Variants in PDGFC observed in about 807,000 individuals in gnomAD.
PDGFC encodes platelet derived growth factor C.
Under a neutral mutation model 35.5 loss-of-function variants are expected in PDGFC, and 12 were observed. That is an observed-to-expected ratio of 0.34 (90% CI 0.22 to 0.55). The LOEUF (loss-of-function observed/expected upper bound fraction) is 0.55, where lower values mean the gene tolerates loss of function less well. Ranked by LOEUF, PDGFC falls within the 20% of genes least tolerant of loss-of-function variation. PDGFC has a pLI of 0.91. For synonymous variants in PDGFC, 159 were observed against 148.8 expected (o/e 1.07, Z -0.50); for missense variants, 322 against 412.4 (o/e 0.78, Z 1.90).
intron 1 of PDGFC, among the ~76,000 whole-genome samples, chr4:156,920,686 CACACAT>C (rs1009632554): frequency 7.6e-5 from 11 of 145,510 alleles, no homozygotes; most frequent in South Asian, 4.2e-4. Flanking sequence ...CACACACACA[CACACAT>C]ATACACACAC....
intron 1 of PDGFC, among the ~76,000 whole-genome samples, chr4:156,934,184 T>C (rs967057157): frequency 2.0e-5 from 3 of 152,202 alleles, no homozygotes; most frequent in Non-Finnish European, 4.4e-5. Context: ...GCTAACATCA[T>C]AGAGCATGCT....
rs576021832 is a variant in PDGFC, at chr4:156,898,791, A to G, written c.119-48375T>C. On this transcript the variant is annotated intron_variant, in intron 1 of 5. Coordinates refer to ENST00000502773, the MANE Select transcript of PDGFC (RefSeq NM_016205.3). Reference sequence around the variant, plus strand: ...TCCTCCTGCCTCCCCCAGAGTAGCTAGGACTACAGGTGTGCGCTACTACAC... The same window carrying G: ...TCCTCCTGCCTCCCCCAGAGTAGCTGGGACTACAGGTGTGCGCTACTACAC... Among the ~76,000 whole-genome samples, 5 of 152,186 alleles carry G rather than the reference A, an allele frequency of 3.3e-5. No homozygotes were observed. The East Asian group carries it at 9.7e-4, about 30-fold the overall frequency.
chr4:156,937,167 A>C (rs1731703267), intron 1 of PDGFC, among the ~76,000 whole-genome samples: 1 of 152,228 alleles, frequency 6.6e-6, no homozygotes, highest in Admixed American at 6.5e-5. Context: ...CCATAGTGAT[A>C]GAAGGCATTT....
At chr4:156,868,858 T>A (rs2111135931) in intron 1 of PDGFC, among the ~76,000 whole-genome samples, 1 of 152,302 alleles carries the variant, frequency 6.6e-6, no homozygotes, top group South Asian at 2.1e-4. Context: ...AAATCCTTGG[T>A]GTTCTCAAGT....
In PDGFC at chr4:156,922,508, G is replaced by A. The variant is rs149550539; in HGVS notation, c.118+48278C>T. On this transcript the variant is annotated intron_variant, in intron 1 of 5. Coordinates refer to ENST00000502773, the MANE Select transcript of PDGFC (RefSeq NM_016205.3). ...TGTTACAATGACATCAAGAGCAAGG[G>A]CAGAGTGCCCTCTAGTATGACAAAA... Among the ~76,000 whole-genome samples, 3 of 152,260 alleles carry A rather than the reference G, an allele frequency of 2.0e-5. No homozygotes were observed. The South Asian group carries it at 6.2e-4, about 32-fold the overall frequency.
At chr4:156,957,408 T>C (rs867219128) in intron 1 of PDGFC, among the ~76,000 whole-genome samples, 3 of 152,150 alleles carry the variant, frequency 2.0e-5, no homozygotes, top group South Asian at 2.1e-4. Context: ...GGAAAAATCA[T>C]AGGCTACTCA....
intron 1 of PDGFC, among the ~76,000 whole-genome samples, chr4:156,897,148 T>TTAA (rs1730651183): frequency 6.6e-6 from 1 of 152,112 alleles, no homozygotes; most frequent in Admixed American, 6.6e-5. Context: ...GGCAGTAAGG[T>TTAA]TAATTCTTCA....
chr4:156,789,544 A>G (rs528025453), intron 3 of PDGFC, among the ~76,000 whole-genome samples: 209 of 152,262 alleles, frequency 1.4e-3, no homozygotes, highest in African/African-American at 4.6e-3. Flanking sequence ...GCACACACAC[A>G]CCAACTAGCA....
At chr4:156,897,209 T>G (rs1368805147) in intron 1 of PDGFC, among the ~76,000 whole-genome samples, 3 of 152,140 alleles carry the variant, frequency 2.0e-5, no homozygotes, top group East Asian at 3.9e-4. Context: ...TAAGTAAGTC[T>G]CACTTTTTTA....
At chr4:156,826,714 C>T (rs1200719134) in intron 2 of PDGFC, among the ~76,000 whole-genome samples, 2 of 152,206 alleles carry the variant, frequency 1.3e-5, no homozygotes, top group Middle Eastern at 3.4e-3. Context: ...ATTTAAGTAG[C>T]ATGATAATAA....
chr4:156,902,487 T>C (rs1187799353), intron 1 of PDGFC, among the ~76,000 whole-genome samples: 1 of 152,226 alleles, frequency 6.6e-6, no homozygotes, highest in African/African-American at 2.4e-5. Flanking sequence ...CTCTAACATG[T>C]GTACATTCAT....
intron 1 of PDGFC, among the ~76,000 whole-genome samples, chr4:156,887,339 T>C (rs773014506): frequency 2.0e-5 from 3 of 152,178 alleles, no homozygotes; most frequent in Non-Finnish European, 4.4e-5. Context: ...GCAGAAAATA[T>C]ACAAAGCTGC....
chr4:156,823,724 T>C (rs1355382640), intron 2 of PDGFC, among the ~76,000 whole-genome samples: 1 of 152,104 alleles, frequency 6.6e-6, no homozygotes, highest in Non-Finnish European at 1.5e-5. Context: ...GACCCAGCAA[T>C]ACCACTACTC....
chr4:156,970,080 T>C (rs1732555824), intron 1 of PDGFC, among the ~76,000 whole-genome samples: 1 of 152,190 alleles, frequency 6.6e-6, no homozygotes, highest in Non-Finnish European at 1.5e-5. Flanking sequence ...GAGAGTTTTC[T>C]AAACATTTCA....
chr4:156,851,020 C>T (rs745417514), intron 1 of PDGFC, among the ~76,000 whole-genome samples: 2 of 152,078 alleles, frequency 1.3e-5, no homozygotes, highest in African/African-American at 2.4e-5. Context: ...GCATACCATA[C>T]GACACACTAT....
At chr4:156,881,334 C>G (rs138850178) in intron 1 of PDGFC, among the ~76,000 whole-genome samples, 3 of 152,074 alleles carry the variant, frequency 2.0e-5, no homozygotes, top group Admixed American at 6.5e-5. Flanking sequence ...CTACTGTATA[C>G]TGAATAGCCT....
chr4:156,762,933 T>C lies in PDGFC; in HGVS notation c.*157A>G, dbSNP rs1730416100. 2 of 558,444 alleles carry C rather than the reference T, an allele frequency of 3.6e-6. No homozygotes were observed. Among genetic ancestry groups the C allele is most frequent in the African/African-American group, 3.7e-5 (2 of 53,994 alleles). The allele number at this position is 558,444 out of a possible 1,614,324, so 34.6% of individuals were successfully genotyped here. ...CTGTTGCACAACTCCTAATTCTGTTTGATGTCTCCTCTTTCAGAATGCACT... is the reference window on the plus strand; with the variant it reads ...CTGTTGCACAACTCCTAATTCTGTTCGATGTCTCCTCTTTCAGAATGCACT... On this transcript the variant is annotated 3_prime_UTR_variant, in exon 6 of 6. Coordinates refer to ENST00000502773, the MANE Select transcript of PDGFC (RefSeq NM_016205.3).
At chr4:156,864,943 C>T (rs1042423817) in intron 1 of PDGFC, among the ~76,000 whole-genome samples, 2 of 152,054 alleles carry the variant, frequency 1.3e-5, no homozygotes, top group Non-Finnish European at 2.9e-5. Context: ...TTTTGAGAAT[C>T]TGATGAAAGC....
At chr4:156,934,982 C>T (rs1016966943) in intron 1 of PDGFC, among the ~76,000 whole-genome samples, 2 of 151,972 alleles carry the variant, frequency 1.3e-5, no homozygotes, top group Non-Finnish European at 2.9e-5. Flanking sequence ...TTACAGTTAA[C>T]GTTTTTTTGT....
Sources: gnomAD v4.1 joint callset for allele counts (sites outside exome capture counted in the v4.1 genomes callset) on GRCh38, gnomAD v4.1.1 for gene constraint, MANE v1.5 for transcripts, NCBI Gene and HGNC (gene_info 2026-07-23, HGNC 2026-07-21) for gene names.